ATP6V0A4: variants seen among roughly 807,000 people sequenced by gnomAD.
The protein encoded by ATP6V0A4 is V-type proton ATPase 116 kDa subunit a 4.
Under a neutral mutation model 107.3 loss-of-function variants are expected in ATP6V0A4, and 86 were observed. The observed-to-expected ratio is 0.80, with a 90% CI of 0.67 to 0.96. The LOEUF (loss-of-function observed/expected upper bound fraction) is 0.96. Among genes scored for constraint, ATP6V0A4 ranks in the 40% least tolerant of loss-of-function variants. ATP6V0A4 has a pLI of 0.00. For missense variants in ATP6V0A4, 908 were observed against 1,045.6 expected (o/e 0.87, Z 1.81); for synonymous variants, 353 against 381.4 (o/e 0.93, Z 0.87).
intron 15 of ATP6V0A4, among the ~76,000 whole-genome samples, chr7:138,738,717 AGAG>A (rs1562993300): frequency 6.6e-6 from 1 of 152,174 alleles, no homozygotes; most frequent in Non-Finnish European, 1.5e-5. Flanking sequence ...GGAAAACTTA[AGAG>A]GAGGTGACCT....
chr7:138,781,941 G>T (rs113872122), intron 2 of ATP6V0A4, among the ~76,000 whole-genome samples: 5,388 of 150,436 alleles, frequency 0.036, 314 homozygotes, highest in African/African-American at 0.12. Context: ...GCCTCCCAAA[G>T]TGCTGGGATT....
chr7:138,769,914 C>T (rs936209322), intron 3 of ATP6V0A4, among the ~76,000 whole-genome samples: 5 of 151,946 alleles, frequency 3.3e-5, no homozygotes, highest in Non-Finnish European at 7.4e-5. Flanking sequence ...CTCATCTCTA[C>T]AAAAAATTAC....
At position 138,747,420 on chromosome 7, in the gene ATP6V0A4, C is replaced by G. The variant is rs1418408726; in HGVS notation, c.1320+5G>C. On this transcript the variant is annotated splice_donor_5th_base_variant and intron_variant, in intron 13 of 21. Coordinates refer to ENST00000310018, the MANE Select transcript of ATP6V0A4 (RefSeq NM_020632.3). ...ATCAGGGCAAGACGGTCAATGGACA[C>G]TCACCTCATTGTCTGTCTTCTGGGA... 6.2e-7 allele frequency: 1 copy of G among 1,613,940 alleles called. No homozygotes were observed. Among genetic ancestry groups the G allele is most frequent in the East Asian group, 2.2e-5 (1 of 44,880 alleles).
rs1806960927 is a variant in ATP6V0A4 at position 138,763,978 on chromosome 7, AT to A, written c.292-954del. ...TCAGACTCTGTCTCAAAAAAAAAAT[AT>A]ATATATATATATATGTATATATATA... On this transcript the variant is annotated intron_variant, in intron 5 of 21. Coordinates refer to ENST00000310018, the MANE Select transcript of ATP6V0A4 (RefSeq NM_020632.3). Among the ~76,000 whole-genome samples the A allele has an allele frequency of 9.0e-5, 10 of 110,908 alleles. No homozygotes were observed. In the South Asian group the frequency reaches 9.7e-4, roughly 11 times the overall value. The allele number at this position is 110,908 out of a possible 152,430, so 72.8% of individuals were successfully genotyped here.
rs568512511 is a variant in ATP6V0A4, at chr7:138,797,806, C to T, written c.-121+228G>A. Reference sequence around the variant, plus strand: ...CATGACACAGATCTCTCTTGTCCTCCCCTTGTTTCTCAATAAGGACAATAT... The same window carrying T: ...CATGACACAGATCTCTCTTGTCCTCTCCTTGTTTCTCAATAAGGACAATAT... On this transcript the variant is annotated intron_variant, in intron 1 of 21. Coordinates refer to ENST00000310018, the MANE Select transcript of ATP6V0A4 (RefSeq NM_020632.3). 9.5e-5 allele frequency: 46 copies of T among 486,030 alleles called. No homozygotes were observed. In the Admixed American group the frequency reaches 1.1e-3, roughly 12 times the overall value. The allele number at this position is 486,030 out of a possible 1,614,324, so 30.1% of individuals were successfully genotyped here.
In ATP6V0A4 at chr7:138,718,686, G is replaced by GCGTGT. The variant is rs1391724520; in HGVS notation, c.2140-2806_2140-2805insACACG. ...GGAAGGAATTCGGGGCGGGGGGGGGGGGTGCAGTCACGGATGTCTGCGGAG... is the reference window on the plus strand; with the variant it reads ...GGAAGGAATTCGGGGCGGGGGGGGGGCGTGTGGTGCAGTCACGGATGTCTGCGGAG... On this transcript the variant is annotated intron_variant, in intron 19 of 21. Transcript: ENST00000310018. Among the ~76,000 whole-genome samples the GCGTGT allele has an allele frequency of 9.8e-5, 4 of 40,808 alleles. 1 individual carries two copies. The East Asian group carries it at 3.3e-3, about 33-fold the overall frequency. 26.8% of individuals were successfully genotyped at this position (40,808 alleles called of 152,430 possible).
In ATP6V0A4 at chr7:138,752,093, G is replaced by T. The variant is rs544563366; in HGVS notation, c.1029+532C>A. ...GGCACATTAATGCTCAGTATGGCCG[G>T]GTGTGATGTCTCACACCTGTAATGT... On this transcript the variant is annotated intron_variant, in intron 11 of 21. Transcript: ENST00000310018. Among the ~76,000 whole-genome samples, 12 of 152,240 alleles carry T rather than the reference G, an allele frequency of 7.9e-5. No homozygotes were observed. The South Asian group carries it at 2.3e-3, about 29-fold the overall frequency.
In ATP6V0A4 at chr7:138,747,479, T is replaced by G; in HGVS notation, c.1266A>C (p.Ala422=). 6.2e-7 allele frequency: 1 copy of G among 1,614,144 alleles called. No individual in the cohort carries two copies. The highest frequency in any genetic ancestry group is 8.5e-7 in the Non-Finnish European group (1 of 1,180,038). ...CGHGTVMLLA[A]LWMILNERRL... is the part of the protein sequence containing the mutation. ...GTCTCTCATTCAGAATCATCCAAAG[T>G]GCAGCCAGGAGCATCACGGTTCCAT... The change falls in exon 13 of 22, where the codon GCA becomes GCC. Residue 422 remains alanine, a synonymous_variant. Coordinates refer to ENST00000310018, the MANE Select transcript of ATP6V0A4 (RefSeq NM_020632.3).
At chr7:138,777,631 A>AAT (rs869306207) in intron 2 of ATP6V0A4, among the ~76,000 whole-genome samples, 10 of 119,810 alleles carry the variant, frequency 8.3e-5, no homozygotes, top group Non-Finnish European at 1.6e-4. Flanking sequence ...AAAAAAAAAA[A>AAT]ATACACACAC....
chr7:138,739,461 T>C (rs1805504374), intron 15 of ATP6V0A4, 79 bp downstream of exon 15: 1 of 1,528,786 alleles, frequency 6.5e-7, no homozygotes, highest in Non-Finnish European at 9.0e-7. Context: ...ACAGGCTTTG[T>C]TGGCCTTTTC....
chr7:138,738,565 C>T (rs562418035), intron 15 of ATP6V0A4, among the ~76,000 whole-genome samples: 4 of 152,206 alleles, frequency 2.6e-5, no homozygotes, highest in South Asian at 2.1e-4. Flanking sequence ...CACTTTGCAA[C>T]TTACACACCA....
Position 138,763,009 on chromosome 7 carries a change from A to C in ATP6V0A4, c.308T>G (p.Leu103Arg). Residue 103 changes from leucine to arginine, a missense_variant, in exon 6 of 22, where the codon CTG becomes CGG. Physicochemically the swap from Leu to Arg is moderately radical, Grantham distance 102. Transcript: ENST00000310018. ...MITLETVLEK[L>R]EGELQEANQN... ...GTTGGCTTCCTGTAACTCTCCTTCC[A>C]GTTTTTCTAGAACAGTCTATGCAGG... 1.9e-6 allele frequency: 3 copies of C among 1,614,098 alleles called. No homozygotes were observed. The highest frequency in any genetic ancestry group is 2.5e-6 in the Non-Finnish European group (3 of 1,180,018).
intron 7 of ATP6V0A4, among the ~76,000 whole-genome samples, chr7:138,761,144 C>T (rs758724664): frequency 2.2e-4 from 33 of 152,098 alleles, no homozygotes; most frequent in Middle Eastern, 3.4e-3. Context: ...AAATGTATCC[C>T]GGGCAACACA....
rs1030819645 is a variant in ATP6V0A4, at chr7:138,798,032, A to C, written c.-121+2T>G. ...AGCTCCTGCAGGTGGGAGTCGACTC[A>C]CCTGCAGCAGGCACTCGGCACAACT... On this transcript the variant is annotated splice_donor_variant, in intron 1 of 21. Coordinates refer to ENST00000310018, the MANE Select transcript of ATP6V0A4 (RefSeq NM_020632.3). LOFTEE classifies it low-confidence loss of function (5UTR_SPLICE). 1.4e-5 allele frequency: 22 copies of C among 1,553,410 alleles called. No homozygotes were observed. The highest frequency in any genetic ancestry group is 1.7e-4 in the Middle Eastern group (1 of 6,008).
At chr7:138,777,148 C>CA (rs59929258) in intron 2 of ATP6V0A4, among the ~76,000 whole-genome samples, 105,563 of 147,790 alleles carry the variant, frequency 0.71, 38,005 homozygotes, top group Middle Eastern at 0.81. Flanking sequence ...GACTCCGTCT[C>CA]AAAAAAAAAA....
chr7:138,771,324 G>C (rs1028805037), intron 2 of ATP6V0A4, 60 bp from the exon 3 acceptor site: 19 of 1,566,696 alleles, frequency 1.2e-5, no homozygotes, highest in Middle Eastern at 1.8e-4. Flanking sequence ...GAAAACCTTA[G>C]GGTGAAATTT....
intron 1 of ATP6V0A4, among the ~76,000 whole-genome samples, chr7:138,794,555 C>G (rs562549950): frequency 2.0e-5 from 3 of 152,174 alleles, no homozygotes; most frequent in Non-Finnish European, 2.9e-5. Flanking sequence ...ATCCCACTCT[C>G]TTGGCTACTC....
At chr7:138,712,964 C>T (rs1383074839) in intron 20 of ATP6V0A4, among the ~76,000 whole-genome samples, 1 of 152,052 alleles carries the variant, frequency 6.6e-6, no homozygotes, top group Admixed American at 6.6e-5. Flanking sequence ...CCTGGGACAG[C>T]CACTTCACAT....
intron 2 of ATP6V0A4, among the ~76,000 whole-genome samples, chr7:138,775,300 T>C (rs2117348248): frequency 6.6e-6 from 1 of 152,132 alleles, no homozygotes; most frequent in African/African-American, 2.4e-5. Context: ...TGGAAGCAAA[T>C]CCCATACATC....
Sources: allele counts gnomAD v4.1 joint callset (sites outside exome capture counted in the v4.1 genomes callset), GRCh38; gene constraint gnomAD v4.1.1; transcripts MANE v1.5; gene names NCBI Gene and HGNC (gene_info 2026-07-23, HGNC 2026-07-21).